Variants in SPOCK3 observed in about 807,000 individuals in gnomAD.
SPOCK3 encodes testican-3.
SPOCK3 carries 30 observed loss-of-function variants against 56.6 expected under a neutral mutation model. The ratio of observed to expected loss-of-function variants is 0.53; its 90% CI spans 0.40 to 0.72. SPOCK3 has a LOEUF of 0.72. Ranked by LOEUF, SPOCK3 falls within the 30% of genes least tolerant of loss-of-function variation. The probability of loss-of-function intolerance (pLI) is 0.00; values close to 1 mark genes in which losing one functional copy is unlikely to be tolerated. For synonymous variants in SPOCK3, 196 were observed against 183.3 expected (o/e 1.07, Z -0.56); for missense variants, 527 against 530.0 (o/e 0.99, Z 0.06).
At chr4:167,014,474 C>T (rs779978369) in intron 3 of SPOCK3, among the ~76,000 whole-genome samples, 27 of 151,564 alleles carry the variant, frequency 1.8e-4, no homozygotes, top group Non-Finnish European at 2.9e-4. Context: ...GGTGAGACTC[C>T]GTGACATCAA....
intron 4 of SPOCK3, among the ~76,000 whole-genome samples, chr4:166,976,874 TTA>T (rs993093280): frequency 6.6e-6 from 1 of 151,572 alleles, no homozygotes; most frequent in Non-Finnish European, 1.5e-5. Context: ...CTCACAGATA[TTA>T]TATATATATA....
intron 4 of SPOCK3, among the ~76,000 whole-genome samples, chr4:166,961,956 G>C (rs1157036628): frequency 2.0e-5 from 3 of 152,068 alleles, no homozygotes; most frequent in African/African-American, 7.2e-5. Context: ...TTTCCTTCTG[G>C]AAGCTCTAGG....
intron 7 of SPOCK3, among the ~76,000 whole-genome samples, chr4:166,762,483 A>G (rs1029285771): frequency 4.0e-5 from 6 of 151,556 alleles, no homozygotes; most frequent in African/African-American, 1.5e-4. Context: ...GGAAAAGAAC[A>G]CTGGGGAAAG....
chr4:166,864,530 C>A (rs1678554882), intron 6 of SPOCK3, among the ~76,000 whole-genome samples: 1 of 151,858 alleles, frequency 6.6e-6, no homozygotes, highest in African/African-American at 2.4e-5. Context: ...ATACATAGAC[C>A]ATTAGCAAGA....
At chr4:166,958,019 G>A (rs1222892211) in intron 4 of SPOCK3, among the ~76,000 whole-genome samples, 1 of 152,132 alleles carries the variant, frequency 6.6e-6, no homozygotes, top group Non-Finnish European at 1.5e-5. Context: ...GCCAGAGGCA[G>A]AATGATATAG....
intron 6 of SPOCK3, among the ~76,000 whole-genome samples, chr4:166,799,826 C>T (rs1331180880): frequency 1.3e-5 from 2 of 152,008 alleles, no homozygotes; most frequent in African/African-American, 4.8e-5. Flanking sequence ...AACCCCCCGA[C>T]AAGAAAGTTC....
intron 3 of SPOCK3, among the ~76,000 whole-genome samples, chr4:167,007,979 C>T (rs980744014): frequency 5.3e-5 from 8 of 151,924 alleles, no homozygotes; most frequent in Admixed American, 5.3e-4. Context: ...TCACATGTTT[C>T]TAAGTGTCAA....
chr4:166,754,663 G>T lies in SPOCK3; in HGVS notation c.776C>A (p.Thr259Lys). 1 of 1,613,680 alleles carries T rather than the reference G, an allele frequency of 6.2e-7. No individual in the cohort carries two copies. Among genetic ancestry groups the T allele is most frequent in the Non-Finnish European group, 8.5e-7 (1 of 1,179,738 alleles). ...SLGWMFNRLD[T>K]NYDLLLDQSE... ...CTGGTCCAATAGCAGGTCATAGTTT[G>T]TATCAAGTCTGTTAAACATCCAGCC... Residue 259 changes from threonine to lysine, a missense_variant, in exon 8 of 11, where the codon ACA becomes AAA. By Grantham distance (78) the Thr-to-Lys change is moderately conservative (BLOSUM62 -1). Transcript: ENST00000357545.
chr4:167,068,624 G>T (rs957561924), intron 2 of SPOCK3, among the ~76,000 whole-genome samples: 6 of 151,778 alleles, frequency 4.0e-5, no homozygotes, highest in African/African-American at 1.5e-4. Context: ...TGTGACCCCT[G>T]ACCCTTGACT....
chr4:167,091,377 G>T (rs1381008662), intron 2 of SPOCK3, among the ~76,000 whole-genome samples: 1 of 151,998 alleles, frequency 6.6e-6, no homozygotes, highest in Non-Finnish European at 1.5e-5. Flanking sequence ...GATCAGCATG[G>T]AATTACGACA....
In SPOCK3 at chr4:166,884,963, T is replaced by C. The variant is rs192539079; in HGVS notation, c.589+4167A>G. On this transcript the variant is annotated intron_variant, in intron 6 of 10. Transcript: ENST00000357545. Reference sequence around the variant, plus strand: ...TATGAATAAGGCAAAACGAGAAATATGATGTTACATGATTCTCAGCTCCCA... The same window carrying C: ...TATGAATAAGGCAAAACGAGAAATACGATGTTACATGATTCTCAGCTCCCA... Among the ~76,000 whole-genome samples, 10 of 151,888 alleles carry C rather than the reference T, an allele frequency of 6.6e-5. No individual in the cohort carries two copies. In the East Asian group the frequency reaches 1.2e-3, roughly 18 times the overall value.
intron 6 of SPOCK3, among the ~76,000 whole-genome samples, chr4:166,793,727 A>G (rs564079294): frequency 1.3e-5 from 2 of 152,348 alleles, no homozygotes; most frequent in East Asian, 1.9e-4. Flanking sequence ...TGTTACATAC[A>G]AAGAATAAGG....
rs1000095251 is a variant in SPOCK3 at position 167,188,186 on chromosome 4, C to G, written c.189+45799G>C. ...ATATATGGCAGCAATCAAACCCGAACTCAGCTAAACAGCCCGCTGTATTGA... is the reference window on the plus strand; with the variant it reads ...ATATATGGCAGCAATCAAACCCGAAGTCAGCTAAACAGCCCGCTGTATTGA... On this transcript the variant is annotated intron_variant, in intron 2 of 10. Coordinates refer to ENST00000357545, the MANE Select transcript of SPOCK3 (RefSeq NM_001040159.2). 4.2e-4 allele frequency among the ~76,000 whole-genome samples: 61 copies of G among 146,296 alleles called. 3 individuals are homozygous for G. The highest frequency in any genetic ancestry group is 1.6e-3 in the African/African-American group (60 of 38,246).
chr4:167,107,600 C>A (rs534520935), intron 2 of SPOCK3, among the ~76,000 whole-genome samples: 1 of 151,682 alleles, frequency 6.6e-6, no homozygotes, highest in East Asian at 1.9e-4. Flanking sequence ...GGTAAGGATG[C>A]CCACTGTCAC....
intron 6 of SPOCK3, among the ~76,000 whole-genome samples, chr4:166,887,789 A>G (rs1734354909): frequency 6.6e-6 from 1 of 151,450 alleles, no homozygotes; most frequent in African/African-American, 2.4e-5. Context: ...TGGGTGGGCC[A>G]GGATCTTACA....
At chr4:166,975,496 T>G (rs951517916) in intron 4 of SPOCK3, among the ~76,000 whole-genome samples, 1 of 152,232 alleles carries the variant, frequency 6.6e-6, no homozygotes, top group Non-Finnish European at 1.5e-5. Context: ...TTATCATTTC[T>G]TTGTGTTACA....
At chr4:166,817,265 T>C (rs913877004) in intron 6 of SPOCK3, among the ~76,000 whole-genome samples, 1 of 152,078 alleles carries the variant, frequency 6.6e-6, no homozygotes, top group African/African-American at 2.4e-5. Context: ...TGTAATGGGC[T>C]GTAGACAAAC....
At chr4:166,842,775 G>C (rs558398831) in intron 6 of SPOCK3, among the ~76,000 whole-genome samples, 1 of 152,198 alleles carries the variant, frequency 6.6e-6, no homozygotes, top group African/African-American at 2.4e-5. Context: ...AGCTGGCTTC[G>C]CCTGGTGGAT....
chr4:166,888,750 T>TG (rs1734458725), intron 6 of SPOCK3, among the ~76,000 whole-genome samples: 1 of 152,024 alleles, frequency 6.6e-6, no homozygotes, highest in Non-Finnish European at 1.5e-5. Flanking sequence ...ACTGAGCAGT[T>TG]GCAGATCTGA....
Sources: gnomAD v4.1 joint callset for allele counts (sites outside exome capture counted in the v4.1 genomes callset) on GRCh38, gnomAD v4.1.1 for gene constraint, MANE v1.5 for transcripts, NCBI Gene and HGNC (gene_info 2026-07-23, HGNC 2026-07-21) for gene names.